Variants in TMEM170A observed in about 807,000 individuals in gnomAD.
TMEM170A encodes transmembrane protein 170.
Under a neutral mutation model 12.8 loss-of-function variants are expected in TMEM170A, and 18 were observed. The observed-to-expected ratio is 1.41, with a 90% CI of 0.97 to 2.09. TMEM170A has a LOEUF of 2.09. TMEM170A is among the 30% of genes most tolerant of loss of function. The pLI is 0.00. For missense variants in TMEM170A, 220 were observed against 179.9 expected (o/e 1.22, Z -1.28); for synonymous variants, 107 against 76.2 (o/e 1.40, Z -2.11).
In TMEM170A at chr16:75,444,122, T is replaced by G. The variant is rs138718883; in HGVS notation, c.*3436A>C. On this transcript the variant is annotated 3_prime_UTR_variant, in exon 3 of 3. Transcript: ENST00000561878. ...AGAAAAAAAAATCAAGAAATCAGCT[T>G]TTATGGTCAGGAGGCTGCCTCCCTC... is the stretch of plus-strand genomic sequence containing the variant. 8 of 149,774 alleles carry G rather than the reference T, an allele frequency of 5.3e-5. No homozygotes were observed. Among genetic ancestry groups the G allele is most frequent in the African/African-American group, 2.0e-4 (8 of 40,806 alleles). The allele number at this position is 149,774 out of a possible 1,614,324, so 9.3% of individuals were successfully genotyped here.
chr16:75,451,676 G>A lies in TMEM170A; in HGVS notation c.297C>T (p.Ile99=). 1 of 1,614,176 alleles carries A rather than the reference G, an allele frequency of 6.2e-7. No individual in the cohort carries two copies. Among genetic ancestry groups the A allele is most frequent in the Non-Finnish European group, 8.5e-7 (1 of 1,180,010 alleles). The change falls in exon 2 of 3, where the codon ATC becomes ATT. Residue 99 remains isoleucine (I), a synonymous_variant. Transcript: ENST00000561878. ...MGIVGPITAG[I]LTSAAIAGVY... is the part of the protein sequence containing the mutation. ...TTTTAATGTCTAACATACTTGTCAA[G>A]ATTCCAGCAGTAATTGGTCCCACGA...
In TMEM170A at chr16:75,445,748, C is replaced by T. The variant is rs1227954878; in HGVS notation, c.*1810G>A. The stretch of plus-strand genomic sequence containing the variant: ...GCAGACTCCAGAATCACAGTAGATT[C>T]AGAGACTCTCCTCCTGGCTATTTTT... On this transcript the variant is annotated 3_prime_UTR_variant, in exon 3 of 3. Coordinates refer to ENST00000561878, the MANE Select transcript of TMEM170A (RefSeq NM_145254.3). 2.0e-5 allele frequency: 3 copies of T among 149,952 alleles called. No individual in the cohort carries two copies. The East Asian group carries it at 5.9e-4, about 29-fold the overall frequency. 9.3% of individuals were successfully genotyped at this position (149,952 alleles called of 1,614,324 possible).
At chr16:75,462,471 A>T (rs1431920893) in intron 1 of TMEM170A, among the ~76,000 whole-genome samples, 1 of 152,184 alleles carries the variant, frequency 6.6e-6, no homozygotes, top group East Asian at 1.9e-4. Context: ...AGCCTCCCAA[A>T]GTGCTGGGAT....
chr16:75,457,291 C>T (rs767261697), intron 1 of TMEM170A, among the ~76,000 whole-genome samples: 4 of 152,172 alleles, frequency 2.6e-5, no homozygotes, highest in Non-Finnish European at 4.4e-5. Flanking sequence ...CAGAAACACA[C>T]GAAGCTGGTA....
chr16:75,451,584 T>C, intron 2 of TMEM170A, 85 bp downstream of exon 2: 1 of 1,437,462 alleles, frequency 7.0e-7, no homozygotes, highest in Non-Finnish European at 9.7e-7. Context: ...TCCTTCATCC[T>C]ACTCAGATAT....
chr16:75,456,834 C>G (rs947863798), intron 1 of TMEM170A, among the ~76,000 whole-genome samples: 1 of 152,194 alleles, frequency 6.6e-6, no homozygotes, highest in East Asian at 1.9e-4. Flanking sequence ...CCTGGCCTCC[C>G]AGCTGAGGCC....
At chr16:75,460,681 T>C (rs1182025440) in intron 1 of TMEM170A, among the ~76,000 whole-genome samples, 2 of 152,158 alleles carry the variant, frequency 1.3e-5, no homozygotes, top group Non-Finnish European at 2.9e-5. Flanking sequence ...TTTGTTTTTC[T>C]CTCTCCCCAT....
At chr16:75,451,542 C>G in intron 2 of TMEM170A, 127 bp downstream of exon 2, 1 of 980,076 alleles carries the variant, frequency 1.0e-6, no homozygotes, top group African/African-American at 1.6e-5. Flanking sequence ...ATAGGGAGAC[C>G]CTGTCTGGAC....
chr16:75,456,079 G>T (rs908993354), intron 1 of TMEM170A, among the ~76,000 whole-genome samples: 1 of 152,156 alleles, frequency 6.6e-6, no homozygotes, highest in Admixed American at 6.5e-5. Context: ...GATTTAAGGG[G>T]CTATTGGAGA....
chr16:75,464,073 A>G (rs1198841004), intron 1 of TMEM170A, among the ~76,000 whole-genome samples: 6 of 152,066 alleles, frequency 3.9e-5, no homozygotes, highest in South Asian at 2.1e-4. Flanking sequence ...CCGCTCCGAG[A>G]CCCCTCGAAG....
chr16:75,463,728 A>G (rs9930742), intron 1 of TMEM170A, among the ~76,000 whole-genome samples: 11,914 of 151,954 alleles, frequency 0.078, 953 homozygotes, highest in African/African-American at 0.2. Flanking sequence ...CTCCTTCCCA[A>G]GTGAAGTCCT....
chr16:75,451,326 G>C, intron 2 of TMEM170A: 1 of 372,864 alleles, frequency 2.7e-6, no homozygotes, highest in South Asian at 4.1e-5. Context: ...AAGGTGGGCA[G>C]ATTGCTTGAG....
intron 1 of TMEM170A, chr16:75,459,885 G>C (rs2079872763): frequency 6.6e-6 from 1 of 151,174 alleles, no homozygotes. Context: ...ACGTAGTCCT[G>C]CAACTCCATG....
Position 75,464,562 on chromosome 16 carries a change from G to C in TMEM170A, c.39C>G (p.Ala13=). The C allele has an allele frequency of 6.3e-7, 1 of 1,585,558 alleles. No individual in the cohort carries two copies. ...REGSGGSGGS[A]GLLQQILSLK... ...GGCTCAGGATCTGCTGCAGGAGCCC[G>C]GCCGACCCGCCGCTGCCGCCGCTCC... Residue 13 remains alanine (A), a synonymous_variant, in exon 1 of 3, where the codon GCC becomes GCG. Transcript: ENST00000561878.
intron 1 of TMEM170A, among the ~76,000 whole-genome samples, chr16:75,462,034 C>T (rs1420446630): frequency 2.0e-5 from 3 of 152,094 alleles, no homozygotes; most frequent in East Asian, 1.9e-4. Flanking sequence ...CTACATATGA[C>T]GTTTAATTAA....
Position 75,457,889 on chromosome 16 carries a change from G to T in TMEM170A, c.134-6050C>A, listed in dbSNP as rs149105862. 4.6e-3 allele frequency among the ~76,000 whole-genome samples: 700 copies of T among 151,946 alleles called. 3 individuals are homozygous for T. Among genetic ancestry groups the T allele is most frequent in the African/African-American group, 0.016 (648 of 41,470 alleles). On this transcript the variant is annotated intron_variant, in intron 1 of 2. Coordinates refer to ENST00000561878, the MANE Select transcript of TMEM170A (RefSeq NM_145254.3). ...AGCATCACTAAAGTCATTTCAAGTA[G>T]GAAAAAAAGGTTTATTATAGATGAG...
chr16:75,458,531 C>T (rs1597451621), intron 1 of TMEM170A: 1 of 152,160 alleles, frequency 6.6e-6, no homozygotes, highest in African/African-American at 2.4e-5. Context: ...AAGAGCAGGC[C>T]AAGCATCAGG....
Position 75,451,495 on chromosome 16 carries a change from G to A in TMEM170A, c.304+174C>T. On this transcript the variant is annotated intron_variant, in intron 2 of 2. Coordinates refer to ENST00000561878, the MANE Select transcript of TMEM170A (RefSeq NM_145254.3). The stretch of plus-strand genomic sequence containing the variant: ...GCCCAAGAGGTGGAGGCTGCAGTGA[G>A]CCAATATTGCAACCACTGCACTCCG... 7.6e-6 allele frequency: 5 copies of A among 661,682 alleles called. No individual in the cohort carries two copies. In the South Asian group the frequency reaches 9.2e-5, roughly 12 times the overall value. The allele number at this position is 661,682 out of a possible 1,614,324, so 41.0% of individuals were successfully genotyped here. A position where few individuals can be genotyped will look rare whatever the true frequency, so the allele number is the denominator to read the frequency against.
chr16:75,461,678 T>A (rs1408675804), intron 1 of TMEM170A, among the ~76,000 whole-genome samples: 1 of 152,204 alleles, frequency 6.6e-6, no homozygotes, highest in African/African-American at 2.4e-5. Context: ...AGGTTATGTG[T>A]TTACTACCAA....
Sources: allele counts gnomAD v4.1 joint callset (sites outside exome capture counted in the v4.1 genomes callset), GRCh38; gene constraint gnomAD v4.1.1; transcripts MANE v1.5; gene names NCBI Gene and HGNC (gene_info 2026-07-23, HGNC 2026-07-21).